The following NAV3 variants were observed in gnomAD, a reference collection of about 807,000 sequenced individuals.
NAV3 encodes the protein neuron navigator 3.
NAV3 carries 87 observed loss-of-function variants against 244.7 expected under a neutral mutation model. That is an observed-to-expected ratio of 0.36 (90% CI 0.30 to 0.42). The LOEUF (loss-of-function observed/expected upper bound fraction) is 0.42. NAV3 is among the 20% of genes least tolerant of loss of function. The probability of loss-of-function intolerance (pLI) is 1.00; values close to 1 mark genes in which losing one functional copy is unlikely to be tolerated. For missense variants in NAV3, 2,663 were observed against 2,893.3 expected, an observed-to-expected ratio of 0.92 and a Z score of 1.83; for synonymous variants, 1,126 against 1,042.2, an observed-to-expected ratio of 1.08 and a Z score of -1.55.
At chr12:78,154,313 G>GTA (rs1270660733) in intron 22 of NAV3, among the ~76,000 whole-genome samples, 4 of 130,496 alleles carry the variant, frequency 3.1e-5, no homozygotes, top group South Asian at 2.2e-4. Context: ...ATAATATATA[G>GTA]TATATATATA....
intron 2 of NAV3, among the ~76,000 whole-genome samples, chr12:77,586,702 G>A (rs897852543): frequency 1.3e-5 from 2 of 152,170 alleles, no homozygotes; most frequent in Non-Finnish European, 1.5e-5. Flanking sequence ...CACTCGTCAC[G>A]TGTGGCTATT....
At chr12:77,621,274 T>C (rs1269172530) in intron 2 of NAV3, among the ~76,000 whole-genome samples, 1 of 152,140 alleles carries the variant, frequency 6.6e-6, no homozygotes, top group Admixed American at 6.6e-5. Context: ...AGGCCCTATT[T>C]TGTTGCTGTG....
chr12:78,180,857 C>T lies in NAV3; in HGVS notation c.5518-14C>T, dbSNP rs1593935586. On this transcript the variant is annotated splice_polypyrimidine_tract_variant and intron_variant, in intron 29 of 39. Coordinates refer to ENST00000397909, the MANE Select transcript of NAV3 (RefSeq NM_001024383.2). ...CCAACTCAGTTTTTTTCATGTTTTCCATCTTCATAACAGAATGAAATTGAA... is the reference window on the plus strand; with the variant it reads ...CCAACTCAGTTTTTTTCATGTTTTCTATCTTCATAACAGAATGAAATTGAA... The T allele has an allele frequency of 6.3e-6, 10 of 1,589,896 alleles. No individual in the cohort carries two copies. The highest frequency in any genetic ancestry group is 3.5e-5 in the Admixed American group (2 of 57,348).
chr12:77,593,621 A>G, intron 2 of NAV3, among the ~76,000 whole-genome samples: 1 of 132,568 alleles, frequency 7.5e-6, no homozygotes, highest in Non-Finnish European at 1.6e-5. Flanking sequence ...AGCACCTGTA[A>G]TCCCAGCTAC....
At chr12:77,794,299 C>G (rs895487788) in intron 2 of NAV3, among the ~76,000 whole-genome samples, 1 of 152,134 alleles carries the variant, frequency 6.6e-6, no homozygotes, top group African/African-American at 2.4e-5. Flanking sequence ...GGTCAGAAAT[C>G]TGTTCATAGC....
At chr12:77,682,972 T>C (rs1874540078) in intron 2 of NAV3, among the ~76,000 whole-genome samples, 1 of 152,286 alleles carries the variant, frequency 6.6e-6, no homozygotes, top group East Asian at 1.9e-4. Context: ...ATTGTCTCTT[T>C]ACTTTGCTGA....
intron 2 of NAV3, among the ~76,000 whole-genome samples, chr12:77,666,773 T>C (rs1344450996): frequency 1.3e-5 from 2 of 152,208 alleles, no homozygotes; most frequent in African/African-American, 2.4e-5. Flanking sequence ...AAGTTTTTCT[T>C]TTAAGGTTGA....
intron 2 of NAV3, among the ~76,000 whole-genome samples, chr12:77,683,923 G>A (rs10859184): frequency 0.15 from 23,351 of 151,970 alleles, 1,936 homozygotes; most frequent in Admixed American, 0.26. Flanking sequence ...ATATTTTGGG[G>A]GACATATGTT....
chr12:78,153,898 G>A (rs2139309702), intron 22 of NAV3, among the ~76,000 whole-genome samples: 1 of 151,696 alleles, frequency 6.6e-6, no homozygotes, highest in African/African-American at 2.4e-5. Context: ...TCAGTGTTTG[G>A]ACAATTTTTT....
intron 1 of NAV3, among the ~76,000 whole-genome samples, chr12:77,856,329 A>T (rs183009019): frequency 3.3e-4 from 51 of 152,286 alleles, no homozygotes; most frequent in Middle Eastern, 3.4e-3. Flanking sequence ...TGAAATGATA[A>T]TGACAAGGTG....
At chr12:77,642,591 A>G (rs1872460927) in intron 2 of NAV3, among the ~76,000 whole-genome samples, 1 of 152,124 alleles carries the variant, frequency 6.6e-6, no homozygotes, top group African/African-American at 2.4e-5. Context: ...ATGCTTAAAA[A>G]TCAGTCACAT....
At chr12:78,178,160 G>GT (rs3054763) in intron 28 of NAV3, among the ~76,000 whole-genome samples, 687 of 120,558 alleles carry the variant, frequency 5.7e-3, no homozygotes, top group Non-Finnish European at 7.9e-3. Flanking sequence ...TCAAAATAGT[G>GT]TTTTTTTTTT....
intron 2 of NAV3, among the ~76,000 whole-genome samples, chr12:77,749,963 A>G (rs751236146): frequency 4.6e-5 from 7 of 152,234 alleles, no homozygotes; most frequent in Non-Finnish European, 8.8e-5. Flanking sequence ...AGCTGCTGCT[A>G]GAGAGATATA....
chr12:78,048,731 C>T (rs185889179), intron 9 of NAV3, among the ~76,000 whole-genome samples: 7 of 152,306 alleles, frequency 4.6e-5, no homozygotes, highest in Admixed American at 6.5e-5. Flanking sequence ...TGTCCCTTAG[C>T]GGAGCTAGAA....
At chr12:77,763,924 G>A (rs1292135744) in intron 2 of NAV3, among the ~76,000 whole-genome samples, 1 of 152,224 alleles carries the variant, frequency 6.6e-6, no homozygotes, top group Non-Finnish European at 1.5e-5. Context: ...GAGAGGGACA[G>A]TGAATATATC....
chr12:77,616,519 C>T (rs1871148772), intron 2 of NAV3, among the ~76,000 whole-genome samples: 2 of 152,088 alleles, frequency 1.3e-5, no homozygotes, highest in Admixed American at 1.3e-4. Context: ...CCAACATATA[C>T]ATAGGCTTCT....
intron 2 of NAV3, among the ~76,000 whole-genome samples, chr12:77,664,916 A>G (rs1292199445): frequency 6.8e-6 from 1 of 147,542 alleles, no homozygotes; most frequent in African/African-American, 2.4e-5. Flanking sequence ...TTATTTGTTT[A>G]TTTATTTTCT....
At chr12:77,795,446 C>G (rs776303812) in intron 2 of NAV3, among the ~76,000 whole-genome samples, 8 of 152,100 alleles carry the variant, frequency 5.3e-5, no homozygotes, top group Non-Finnish European at 1.2e-4. Context: ...CGATGATGTG[C>G]AATCTGTAGC....
chr12:78,204,261 C>T (rs552905786), intron 38 of NAV3, among the ~76,000 whole-genome samples: 8 of 151,998 alleles, frequency 5.3e-5, no homozygotes, highest in South Asian at 4.2e-4. Flanking sequence ...TGCAAAATGA[C>T]GAGTTAATGG....
Sources: gnomAD v4.1 joint callset for allele counts (sites outside exome capture counted in the v4.1 genomes callset) on GRCh38, gnomAD v4.1.1 for gene constraint, MANE v1.5 for transcripts, NCBI Gene and HGNC (gene_info 2026-07-23, HGNC 2026-07-21) for gene names.